The following CAPN12 variants were observed in gnomAD, a reference collection of about 807,000 sequenced individuals.
The protein encoded by CAPN12 is calpain 12.
A neutral mutation model predicts 95.0 loss-of-function variants in CAPN12; 107 were observed. The ratio of observed to expected loss-of-function variants is 1.13; its 90% confidence interval spans 0.96 to 1.32. The LOEUF is 1.32. Ranked by LOEUF, CAPN12 falls within the 40% of genes most tolerant of loss-of-function variation. The pLI is 0.00. For synonymous variants in CAPN12, 505 were observed against 415.5 expected, an observed-to-expected ratio of 1.22 and a Z score of -2.62; for missense variants, 1,136 against 997.8, an observed-to-expected ratio of 1.14 and a Z score of -1.87.
rs1161655832 is a variant in CAPN12, at chr19:38,737,315, T to TTCCTCATCCTCGTCATCC, written c.1185_1202dup (p.Asp396_Glu401dup). On this transcript the variant is annotated inframe_insertion, in exon 10 of 21. Coordinates refer to ENST00000328867, the MANE Select transcript of CAPN12 (RefSeq NM_144691.4). ...CAGCCCCCCAGCCCCCCCAGGGCCC[T>TTCCTCATCCTCGTCATCC]TCCTCATCCTCGTCATCCTCCTCAT... is the stretch of plus-strand genomic sequence containing the variant. The TTCCTCATCCTCGTCATCC allele has an allele frequency of 9.7e-7, 1 of 1,033,658 alleles. No individual in the cohort carries two copies. Among genetic ancestry groups the TTCCTCATCCTCGTCATCC allele is most frequent in the Non-Finnish European group, 1.3e-6 (1 of 794,398 alleles). 64.0% of individuals were successfully genotyped at this position (1,033,658 alleles called of 1,614,324 possible). A position where few individuals can be genotyped will look rare whatever the true frequency, so the allele number is the denominator to read the frequency against.
intron 18 of CAPN12, chr19:38,731,711 T>C (rs1969629036): frequency 5.7e-6 from 1 of 175,146 alleles, no homozygotes; most frequent in Non-Finnish European, 1.3e-5. Context: ...CCTTCTGAGA[T>C]GCAAGGTTGT....
rs781375715 is a variant in CAPN12 at position 38,734,218 on chromosome 19, CG to C, written c.1816-15del. On this transcript the variant is annotated splice_polypyrimidine_tract_variant and intron_variant, in intron 16 of 20. Transcript: ENST00000328867. ...GCTTTGCCCATGCTGTGTTGGGGGT[CG>C]GGGGCATCTGGTTAAGGTCAATCTC... 15 of 1,612,544 alleles carry C rather than the reference CG, an allele frequency of 9.3e-6. No homozygotes were observed. The Admixed American group carries it at 2.0e-4, about 22-fold the overall frequency.
rs1970603101 is a variant in CAPN12, at chr19:38,742,455, AGGAGGGACCACCCG to A, written c.367_380del (p.Arg123TrpfsTer29). The A allele has an allele frequency of 3.7e-6, 6 of 1,613,976 alleles. No individual in the cohort carries two copies. In the South Asian group the frequency reaches 5.5e-5, roughly 15 times the overall value. On this transcript the variant is annotated frameshift_variant, in exon 3 of 21. Coordinates refer to ENST00000328867, the MANE Select transcript of CAPN12 (RefSeq NM_144691.4). LOFTEE classifies it high-confidence loss of function. ...CGTAGCCATGCTGGAAATCCTGTCC[AGGAGGGACCACCCG>A]GCGCAGGAGCCGGGGATACAGAGTA...
Position 38,743,251 on chromosome 19 carries a change from C to T in CAPN12, c.238-149G>A. Reference sequence around the variant, plus strand: ...TGGGTCTCCAGAAGTTGTGCTGAGCCAGTCCCATGGTAGCCCCCTCCTCCC... The same window carrying T: ...TGGGTCTCCAGAAGTTGTGCTGAGCTAGTCCCATGGTAGCCCCCTCCTCCC... On this transcript the variant is annotated intron_variant, in intron 1 of 20. Transcript: ENST00000328867. 7.3e-6 allele frequency: 6 copies of T among 818,826 alleles called. No individual in the cohort carries two copies. The South Asian group carries it at 1.0e-4, about 14-fold the overall frequency. The allele number at this position is 818,826 out of a possible 1,614,324, so 50.7% of individuals were successfully genotyped here. A position where few individuals can be genotyped will look rare whatever the true frequency, so the allele number is the denominator to read the frequency against.
chr19:38,738,235 C>A (rs765369894), intron 8 of CAPN12, 38 bp downstream of exon 8: 8 of 1,602,452 alleles, frequency 5.0e-6, no homozygotes, highest in East Asian at 2.2e-5. Context: ...TTGGCAGAGA[C>A]CCTCCCAGAG....
rs2145134651 is a variant in CAPN12, at chr19:38,731,125, G to A, written c.2056C>T (p.His686Tyr). 6.2e-7 allele frequency: 1 copy of A among 1,612,470 alleles called. No individual in the cohort carries two copies. Among genetic ancestry groups the A allele is most frequent in the Non-Finnish European group, 8.5e-7 (1 of 1,179,748 alleles). ...DFERFVSCVA[H>Y]LTCIFCHCSQ... ...TACTCACAGAAGATGCAGGTGAGGT[G>A]GGCCACACAGGACACGAACCGCTCG... Residue 686 changes from histidine to tyrosine, a missense_variant, in exon 19 of 21, where the codon CAC becomes TAC. Physicochemically the swap from His to Tyr is moderately conservative, Grantham distance 83 (BLOSUM62 2). Transcript: ENST00000328867.
intron 18 of CAPN12, 190 bp downstream of exon 18, chr19:38,733,513 G>T: frequency 7.3e-6 from 4 of 550,476 alleles, no homozygotes; most frequent in South Asian, 4.8e-5. Context: ...CACGCCCCTT[G>T]CCCTTCTCCT....
In CAPN12 at chr19:38,737,506, G is replaced by T; in HGVS notation, c.1098C>A (p.Gly366=). ...VHTFQGRWVR[G]FNSGGSQPNA... ...TAGGCTGGCTCCCGCCGGAGTTGAAGCCACGCACCCAGCGGCCTTGGAAGG... is the reference window on the plus strand; with the variant it reads ...TAGGCTGGCTCCCGCCGGAGTTGAATCCACGCACCCAGCGGCCTTGGAAGG... Residue 366 remains glycine, a synonymous_variant, in exon 9 of 21, where the codon GGC becomes GGA. Transcript: ENST00000328867. 3.1e-6 allele frequency: 5 copies of T among 1,612,704 alleles called. No homozygotes were observed. Among genetic ancestry groups the T allele is most frequent in the Non-Finnish European group, 4.2e-6 (5 of 1,179,924 alleles).
At chr19:38,731,773 C>T (rs557892263) in intron 18 of CAPN12, among the ~76,000 whole-genome samples, 4 of 152,338 alleles carry the variant, frequency 2.6e-5, no homozygotes, top group East Asian at 1.9e-4. Context: ...TTCCAAGTAC[C>T]GTTTCATGGG....
intron 18 of CAPN12, 197 bp downstream of exon 18, chr19:38,733,506 G>A (rs567924227): frequency 2.5e-5 from 11 of 437,444 alleles, no homozygotes; most frequent in South Asian, 1.6e-4. Flanking sequence ...CCCCACACAC[G>A]CCCCTTGCCC....
At position 38,731,533 on chromosome 19, in the gene CAPN12, C is replaced by T. The variant is rs1969612071; in HGVS notation, c.1958-310G>A. 6.9e-6 allele frequency: 3 copies of T among 436,500 alleles called. No homozygotes were observed. The East Asian group carries it at 1.3e-4, about 18-fold the overall frequency. The allele number at this position is 436,500 out of a possible 1,614,324, so 27.0% of individuals were successfully genotyped here. A position where few individuals can be genotyped will look rare whatever the true frequency, so the allele number is the denominator to read the frequency against. On this transcript the variant is annotated intron_variant, in intron 18 of 20. Coordinates refer to ENST00000328867, the MANE Select transcript of CAPN12 (RefSeq NM_144691.4). ...AAATCCTGTGGGGCTTTCTCCTTGC[C>T]AGTGGGCACTGGAGGATATTTCTGT...
upstream of CAPN12, chr19:38,744,575 C>A: frequency 3.8e-6 from 1 of 260,118 alleles, no homozygotes; most frequent in Non-Finnish European, 7.6e-6. Flanking sequence ...CCCCCTCCCT[C>A]TGACAGTTTC....
intron 14 of CAPN12, 132 bp downstream of exon 14, chr19:38,735,238 G>T: frequency 3.4e-6 from 3 of 877,296 alleles, no homozygotes; most frequent in Non-Finnish European, 5.2e-6. Flanking sequence ...TCAAGAAAAG[G>T]TCAGGAGATT....
chr19:38,731,338 T>G, intron 18 of CAPN12, 115 bp from the exon 19 acceptor site: 1 of 766,870 alleles, frequency 1.3e-6, no homozygotes, highest in Non-Finnish European at 2.3e-6. Flanking sequence ...ACACCCCAAC[T>G]CTGCCCCATC....
At position 38,733,776 on chromosome 19, in the gene CAPN12, T is replaced by C; in HGVS notation, c.1884A>G (p.Ile628Met). ...LWGYLLEWQA[I>M]FNKFDEDTSG... Reference sequence around the variant, plus strand: ...AGGTGTCCTCATCGAACTTGTTAAATATGGCCTGGGCAGGAAGGATGAGTC... The same window carrying C: ...AGGTGTCCTCATCGAACTTGTTAAACATGGCCTGGGCAGGAAGGATGAGTC... Residue 628 changes from isoleucine to methionine, a missense_variant, in exon 18 of 21, where the codon ATA (isoleucine) becomes ATG (methionine). Coordinates refer to ENST00000328867, the MANE Select transcript of CAPN12 (RefSeq NM_144691.4). 1 of 1,613,190 alleles carries C rather than the reference T, an allele frequency of 6.2e-7. No homozygotes were observed. The highest frequency in any genetic ancestry group is 8.5e-7 in the Non-Finnish European group (1 of 1,179,676).
In CAPN12 at chr19:38,741,075, C is replaced by T. The variant is rs896456187; in HGVS notation, c.560+702G>A. 2.0e-5 allele frequency among the ~76,000 whole-genome samples: 3 copies of T among 152,128 alleles called. No individual in the cohort carries two copies. In the East Asian group the frequency reaches 5.8e-4, roughly 29 times the overall value. On this transcript the variant is annotated intron_variant, in intron 4 of 20. Coordinates refer to ENST00000328867, the MANE Select transcript of CAPN12 (RefSeq NM_144691.4). ...CAAAGATTTGAGGGTCCCAGGGTGACCCCCAATATTTTGGGGGTGCTTTAG... is the reference window on the plus strand; with the variant it reads ...CAAAGATTTGAGGGTCCCAGGGTGATCCCCAATATTTTGGGGGTGCTTTAG...
Position 38,741,803 on chromosome 19 carries a change from G to C in CAPN12, c.534C>G (p.Ala178=), listed in dbSNP as rs1296551180. 6.2e-7 allele frequency: 1 copy of C among 1,613,878 alleles called. No individual in the cohort carries two copies. The highest frequency in any genetic ancestry group is 8.5e-7 in the Non-Finnish European group (1 of 1,180,046). ...VRSEQRNEFW[A]PLLEKAYAKL... ...TGGCGTAGGCCTTCTCCAGGAGTGG[G>C]GCCCAGAACTCATTCCGCTGTTCCG... is the stretch of plus-strand genomic sequence containing the variant. Residue 178 remains alanine (A), a synonymous_variant, in exon 4 of 21, where the codon GCC becomes GCG. Transcript: ENST00000328867.
At position 38,744,188 on chromosome 19, in the gene CAPN12, G is replaced by A. The variant is rs1407457753; in HGVS notation, c.-23C>T. The A allele has an allele frequency of 1.3e-5, 21 of 1,609,580 alleles. No individual in the cohort carries two copies. Among genetic ancestry groups the A allele is most frequent in the South Asian group, 2.2e-5 (2 of 91,016 alleles). ...CATCTGGACACTGGCCTCACAAGCC[G>A]GCACCAGGCCCTTTAACCTCCTGAG... On this transcript the variant is annotated 5_prime_UTR_variant, in exon 1 of 21. Transcript: ENST00000328867.
rs1970761472 is a variant in CAPN12 at position 38,744,303 on chromosome 19, T to C, written c.-138A>G. ...CCCTCGTTAATATTAATTGATGGTT[T>C]GGGGTGCTGGGGAGCAGGGACGCCT... On this transcript the variant is annotated 5_prime_UTR_variant, in exon 1 of 21. Coordinates refer to ENST00000328867, the MANE Select transcript of CAPN12 (RefSeq NM_144691.4). 10 of 815,674 alleles carry C rather than the reference T, an allele frequency of 1.2e-5. No homozygotes were observed. Among genetic ancestry groups the C allele is most frequent in the Non-Finnish European group, 2.0e-5 (10 of 507,052 alleles). 50.5% of individuals were successfully genotyped at this position (815,674 alleles called of 1,614,324 possible).
Sources: allele counts gnomAD v4.1 joint callset (sites outside exome capture counted in the v4.1 genomes callset), GRCh38; gene constraint gnomAD v4.1.1; transcripts MANE v1.5; gene names NCBI Gene and HGNC (gene_info 2026-07-23, HGNC 2026-07-21).